The following HHAT variants were observed in gnomAD, a reference collection of about 807,000 sequenced individuals.
HHAT encodes the protein protein-cysteine N-palmitoyltransferase HHAT.
A neutral mutation model predicts 70.8 loss-of-function variants in HHAT; 47 were observed. That is an observed-to-expected ratio of 0.66 (90% CI 0.53 to 0.85). The LOEUF is 0.85. HHAT is among the 40% of genes least tolerant of loss of function. The pLI, the probability that HHAT is intolerant of heterozygous loss-of-function variation, is 0.00. For synonymous variants in HHAT, 228 were observed against 247.6 expected (o/e 0.92, Z 0.74); for missense variants, 609 against 604.8 (o/e 1.01, Z -0.07).
rs559844159 is a variant in HHAT at position 210,444,288 on chromosome 1, G to A, written c.857-20217G>A. Among the ~76,000 whole-genome samples, 11 of 125,042 alleles carry A rather than the reference G, an allele frequency of 8.8e-5. No homozygotes were observed. In the South Asian group the frequency reaches 3.4e-3, roughly 38 times the overall value. The allele number at this position is 125,042 out of a possible 152,430, so 82.0% of individuals were successfully genotyped here. On this transcript the variant is annotated intron_variant, in intron 7 of 11. Transcript: ENST00000261458. ...GATTTTTGCATCAATGTTCATCAAG[G>A]ATATTGGTCTAAAATTCTCTTTTTT... is the stretch of plus-strand genomic sequence containing the variant.
At chr1:210,431,659 A>G (rs1558504171) in intron 7 of HHAT, among the ~76,000 whole-genome samples, 1 of 151,780 alleles carries the variant, frequency 6.6e-6, no homozygotes, top group African/African-American at 2.4e-5. Flanking sequence ...CCATAACTGC[A>G]TCATCTGGGT....
At chr1:210,595,237 T>C (rs973080597) in intron 10 of HHAT, among the ~76,000 whole-genome samples, 2 of 152,172 alleles carry the variant, frequency 1.3e-5, no homozygotes, top group Admixed American at 6.5e-5. Context: ...GTCCTTGTGA[T>C]GGTTTGCTGA....
intron 6 of HHAT, among the ~76,000 whole-genome samples, chr1:210,413,415 A>T (rs1374074931): frequency 6.6e-6 from 1 of 152,134 alleles, no homozygotes; most frequent in Admixed American, 6.5e-5. Flanking sequence ...AGGCTTTCTC[A>T]TTCTTGATAG....
At chr1:210,498,297 G>A (rs895196501) in intron 8 of HHAT, among the ~76,000 whole-genome samples, 3 of 152,072 alleles carry the variant, frequency 2.0e-5, no homozygotes, top group South Asian at 2.1e-4. Context: ...AATTTTCCTC[G>A]AAGTACGTGA....
chr1:210,463,329 C>G (rs1010128906), intron 7 of HHAT, among the ~76,000 whole-genome samples: 3 of 152,180 alleles, frequency 2.0e-5, no homozygotes, highest in Non-Finnish European at 4.4e-5. Context: ...GCTGCCCTCT[C>G]TCCCCAAGAA....
At chr1:210,375,160 C>G (rs2090084785) in intron 3 of HHAT, among the ~76,000 whole-genome samples, 1 of 151,900 alleles carries the variant, frequency 6.6e-6, no homozygotes, top group Non-Finnish European at 1.5e-5. Context: ...ATGTAAACAC[C>G]AACATGACAA....
At chr1:210,621,552 C>T (rs1668831022) in intron 10 of HHAT, among the ~76,000 whole-genome samples, 1 of 152,206 alleles carries the variant, frequency 6.6e-6, no homozygotes, top group South Asian at 2.1e-4. Context: ...AAAATATCTT[C>T]CTCTGCTTTA....
At chr1:210,387,439 C>T (rs750487081) in intron 3 of HHAT, 29 bp from the exon 4 acceptor site, 61 of 1,573,388 alleles carry the variant, frequency 3.9e-5, no homozygotes, top group Non-Finnish European at 5.3e-5. Flanking sequence ...TACTGAAATC[C>T]CTCTGATAAA....
chr1:210,639,659 A>T (rs1322282130), intron 11 of HHAT, among the ~76,000 whole-genome samples: 1 of 152,220 alleles, frequency 6.6e-6, no homozygotes, highest in Non-Finnish European at 1.5e-5. Context: ...TCAGTGGCGC[A>T]GTGCAGGTTT....
upstream of HHAT, chr1:210,328,844 T>A: frequency 2.4e-6 from 1 of 424,020 alleles, no homozygotes; most frequent in East Asian, 3.8e-5. Flanking sequence ...CAGCACGGCC[T>A]GCTCGCCATC....
At chr1:210,485,528 ATCAG>A (rs1443695703) in intron 8 of HHAT, among the ~76,000 whole-genome samples, 1 of 152,078 alleles carries the variant, frequency 6.6e-6, no homozygotes, top group Non-Finnish European at 1.5e-5. Flanking sequence ...AGGTCTCTAT[ATCAG>A]TCAATTTTCA....
At chr1:210,589,279 C>T (rs988457405) in intron 10 of HHAT, 47 of 152,090 alleles carry the variant, frequency 3.1e-4, no homozygotes, top group Admixed American at 1.1e-3. Flanking sequence ...TCAATAAAAA[C>T]TGAAATAAAC....
chr1:210,603,429 G>T (rs1008822498), intron 10 of HHAT, among the ~76,000 whole-genome samples: 6 of 151,970 alleles, frequency 3.9e-5, no homozygotes, highest in African/African-American at 1.5e-4. Context: ...AGATGAACTT[G>T]GGAAAAATAA....
At chr1:210,414,135 T>TA (rs2092646738) in intron 6 of HHAT, among the ~76,000 whole-genome samples, 1 of 152,176 alleles carries the variant, frequency 6.6e-6, no homozygotes, top group Admixed American at 6.5e-5. Flanking sequence ...CAGTGTCTGG[T>TA]GAGGGCCCGC....
intron 7 of HHAT, among the ~76,000 whole-genome samples, chr1:210,428,995 C>T (rs2093162285): frequency 6.6e-6 from 1 of 151,762 alleles, no homozygotes; most frequent in Non-Finnish European, 1.5e-5. Flanking sequence ...CCCCTCCGCA[C>T]CCACCTCGCT....
intron 8 of HHAT, among the ~76,000 whole-genome samples, chr1:210,491,944 G>A (rs182570028): frequency 6.6e-6 from 1 of 152,152 alleles, no homozygotes; most frequent in Admixed American, 6.5e-5. Context: ...TGTATTTTTA[G>A]TAGAGACAGG....
chr1:210,579,939 A>G (rs1255960603), intron 9 of HHAT, among the ~76,000 whole-genome samples: 1 of 152,224 alleles, frequency 6.6e-6, no homozygotes, highest in Non-Finnish European at 1.5e-5. Flanking sequence ...ACAATACTTC[A>G]ACTCACTGAA....
intron 10 of HHAT, among the ~76,000 whole-genome samples, chr1:210,601,240 C>G (rs556038549): frequency 1.3e-5 from 2 of 151,994 alleles, no homozygotes; most frequent in Admixed American, 1.3e-4. Context: ...AATTGATCAA[C>G]GTGATCCAAA....
intron 7 of HHAT, among the ~76,000 whole-genome samples, chr1:210,462,077 C>A (rs10489381): frequency 0.17 from 25,498 of 152,130 alleles, 2,283 homozygotes; most frequent in African/African-American, 0.23. Context: ...GTAGACTCAG[C>A]CATAGATTTT....
Sources: allele counts gnomAD v4.1 joint callset (sites outside exome capture counted in the v4.1 genomes callset), GRCh38; gene constraint gnomAD v4.1.1; transcripts MANE v1.5; gene names NCBI Gene and HGNC (gene_info 2026-07-23, HGNC 2026-07-21).